Variants in STOX1 observed in about 807,000 individuals in gnomAD.
STOX1 encodes storkhead box 1.
A neutral mutation model predicts 74.8 loss-of-function variants in STOX1; 57 were observed. That is an observed-to-expected ratio of 0.76 (90% CI 0.62 to 0.95). The LOEUF (loss-of-function observed/expected upper bound fraction) is 0.95. Among genes scored for constraint, STOX1 ranks in the 40% least tolerant of loss-of-function variants. The probability of loss-of-function intolerance (pLI) is 0.00; values close to 1 mark genes in which losing one functional copy is unlikely to be tolerated. For missense variants in STOX1, 1,010 were observed against 1,117.0 expected (o/e 0.90, Z 1.37); for synonymous variants, 375 against 401.3 (o/e 0.93, Z 0.78).
rs539125136 is a variant in STOX1 at position 68,885,683 on chromosome 10, C to G, written c.1887C>G (p.Asp629Glu). 7 of 1,613,982 alleles carry G rather than the reference C, an allele frequency of 4.3e-6. No homozygotes were observed. Among genetic ancestry groups the G allele is most frequent in the Admixed American group, 1.7e-5 (1 of 59,996 alleles). Residue 629 changes from aspartate to glutamate, a missense_variant, in exon 3 of 4, where the codon GAC becomes GAG. Coordinates refer to ENST00000298596, the MANE Select transcript of STOX1 (RefSeq NM_152709.5). ...EVLRKSHSHF[D>E]KLGETKQTPH... ...TGAGGAAAAGTCATTCCCACTTTGA[C>G]AAATTAGGGGAGACCAAACAGACTC... is the stretch of plus-strand genomic sequence containing the variant.
rs140887364 is a variant in STOX1, at chr10:68,832,115, A to C, written c.310+4182A>C. On this transcript the variant is annotated intron_variant, in intron 1 of 3. Transcript: ENST00000298596. ...TTAGCCAGTGGCTTTCACAAATGAAAGAGTGAGTTCTGGAAGCTGGAGGGA... is the reference window on the plus strand; with the variant it reads ...TTAGCCAGTGGCTTTCACAAATGAACGAGTGAGTTCTGGAAGCTGGAGGGA... Among the ~76,000 whole-genome samples the C allele has an allele frequency of 1.4e-3, 210 of 152,242 alleles. 2 individuals are homozygous for C. Among genetic ancestry groups the C allele is most frequent in the African/African-American group, 4.5e-3 (189 of 41,558 alleles).
chr10:68,857,437 G>C (rs561842414), intron 1 of STOX1, among the ~76,000 whole-genome samples: 1 of 152,070 alleles, frequency 6.6e-6, no homozygotes, highest in Non-Finnish European at 1.5e-5. Context: ...CTGGGAGCCA[G>C]GTCAGCTCTG....
At chr10:68,864,165 C>T (rs889702844) in intron 1 of STOX1, among the ~76,000 whole-genome samples, 1 of 152,066 alleles carries the variant, frequency 6.6e-6, no homozygotes, top group African/African-American at 2.4e-5. Flanking sequence ...ACCTCGTGAT[C>T]CGCCCGCCTC....
intron 3 of STOX1, among the ~76,000 whole-genome samples, chr10:68,887,620 G>A (rs1840995103): frequency 7.8e-6 from 1 of 128,532 alleles, no homozygotes; most frequent in Admixed American, 8.6e-5. Context: ...TTTTGAGGCA[G>A]AGTTTTGCTG....
At chr10:68,870,896 C>T (rs968040073) in intron 1 of STOX1, among the ~76,000 whole-genome samples, 1 of 152,218 alleles carries the variant, frequency 6.6e-6, no homozygotes, top group Non-Finnish European at 1.5e-5. Flanking sequence ...CTGATAAAGC[C>T]TAGGCTGGCC....
intron 1 of STOX1, among the ~76,000 whole-genome samples, chr10:68,847,377 G>T (rs1014985104): frequency 5.9e-5 from 9 of 151,938 alleles, no homozygotes; most frequent in Admixed American, 2.6e-4. Flanking sequence ...GTTGGGTCAC[G>T]GGTGGATTTG....
At chr10:68,863,282 T>C (rs577263542) in intron 1 of STOX1, among the ~76,000 whole-genome samples, 1 of 152,224 alleles carries the variant, frequency 6.6e-6, no homozygotes, top group East Asian at 1.9e-4. Flanking sequence ...GCTGAAGGAA[T>C]ACTCACGGCA....
At position 68,892,867 on chromosome 10, in the gene STOX1, C is replaced by T; in HGVS notation, c.*131C>T. 1 of 1,055,220 alleles carries T rather than the reference C, an allele frequency of 9.5e-7. No individual in the cohort carries two copies. The highest frequency in any genetic ancestry group is 1.6e-5 in the South Asian group (1 of 64,362). 65.4% of individuals were successfully genotyped at this position (1,055,220 alleles called of 1,614,324 possible). A position where few individuals can be genotyped will look rare whatever the true frequency, so the allele number is the denominator to read the frequency against. Reference sequence around the variant, plus strand: ...CATATCTATACTATTAACCACATTACACATTTTGTTCTAATTACTGGCTTT... The same window carrying T: ...CATATCTATACTATTAACCACATTATACATTTTGTTCTAATTACTGGCTTT... On this transcript the variant is annotated 3_prime_UTR_variant, in exon 4 of 4. Coordinates refer to ENST00000298596, the MANE Select transcript of STOX1 (RefSeq NM_152709.5).
chr10:68,890,490 A>G (rs947404138), intron 3 of STOX1, among the ~76,000 whole-genome samples: 1 of 152,148 alleles, frequency 6.6e-6, no homozygotes, highest in Non-Finnish European at 1.5e-5. Flanking sequence ...CATTTAGATC[A>G]TTCCCAATTT....
intron 1 of STOX1, among the ~76,000 whole-genome samples, chr10:68,858,497 A>G (rs1225775392): frequency 6.6e-6 from 1 of 152,112 alleles, no homozygotes; most frequent in Non-Finnish European, 1.5e-5. Flanking sequence ...CAGCCTAGAA[A>G]TGCTTCTTAG....
At chr10:68,850,283 C>T (rs1402912469) in intron 1 of STOX1, among the ~76,000 whole-genome samples, 1 of 152,246 alleles carries the variant, frequency 6.6e-6, no homozygotes, top group Non-Finnish European at 1.5e-5. Context: ...GCTGGGATTA[C>T]AGGCATCAGC....
chr10:68,885,461 T>A lies in STOX1; in HGVS notation c.1665T>A (p.Pro555=). Reference sequence around the variant, plus strand: ...CCAAAGAGCCATATGCTGAACAACCTAATGATAAAATGGAAGCAGAATCCA... The same window carrying A: ...CCAAAGAGCCATATGCTGAACAACCAAATGATAAAATGGAAGCAGAATCCA... ...GKAKEPYAEQ[P]NDKMEAESIY... is the part of the protein sequence containing the mutation. The change falls in exon 3 of 4, where the codon CCT becomes CCA. Residue 555 remains proline, a synonymous_variant. Coordinates refer to ENST00000298596, the MANE Select transcript of STOX1 (RefSeq NM_152709.5). The A allele has an allele frequency of 6.2e-7, 1 of 1,614,170 alleles. No individual in the cohort carries two copies. The highest frequency in any genetic ancestry group is 8.5e-7 in the Non-Finnish European group (1 of 1,180,026).
In STOX1 at chr10:68,827,631, G is replaced by A. The variant is rs1300287548; in HGVS notation, c.8G>A (p.Arg3Gln). MA[R>Q]PVQLAPGSLA... ...CCGGCCGCCGGCGAAAGCATGGCCC[G>A]GCCCGTGCAGCTGGCGCCGGGCTCG... Residue 3 changes from arginine to glutamine, a missense_variant, in exon 1 of 4, where the codon CGG becomes CAG. By Grantham distance (43) the Arg-to-Gln change is conservative. Transcript: ENST00000298596. The A allele has an allele frequency of 1.5e-5, 17 of 1,147,692 alleles. No individual in the cohort carries two copies. Among genetic ancestry groups the A allele is most frequent in the Non-Finnish European group, 1.8e-5 (17 of 933,980 alleles). 71.1% of individuals were successfully genotyped at this position (1,147,692 alleles called of 1,614,324 possible).
chr10:68,830,964 T>C (rs1177040951), intron 1 of STOX1, among the ~76,000 whole-genome samples: 2 of 152,038 alleles, frequency 1.3e-5, no homozygotes, highest in African/African-American at 4.8e-5. Flanking sequence ...TCCTGGAGGG[T>C]GGCGAAGGCA....
rs1309758907 is a variant in STOX1 at position 68,884,692 on chromosome 10, T to C, written c.896T>C (p.Leu299Ser). The C allele has an allele frequency of 6.2e-7, 1 of 1,614,072 alleles. No individual in the cohort carries two copies. The highest frequency in any genetic ancestry group is 1.3e-5 in the African/African-American group (1 of 74,936). The change falls in exon 3 of 4, where the codon TTA becomes TCA. Residue 299 changes from leucine to serine, a missense_variant. Transcript: ENST00000298596. ...CACATTTGTGAGAGCACCAAACCTT[T>C]ACCATACACAAGAGATAAAGAAAAA... ...EHHICESTKP[L>S]PYTRDKEKGK...
At chr10:68,888,566 C>T (rs1461901909) in intron 3 of STOX1, among the ~76,000 whole-genome samples, 1 of 150,722 alleles carries the variant, frequency 6.6e-6, no homozygotes, top group Non-Finnish European at 1.5e-5. Context: ...GAACATTTTC[C>T]CTATGTTATT....
intron 1 of STOX1, among the ~76,000 whole-genome samples, chr10:68,852,234 G>C (rs1472885148): frequency 7.2e-6 from 1 of 139,560 alleles, no homozygotes; most frequent in East Asian, 2.2e-4. Flanking sequence ...ATGAGTTTAA[G>C]TTTTTCTCTT....
At chr10:68,870,356 CA>C (rs1477083318) in intron 1 of STOX1, among the ~76,000 whole-genome samples, 1 of 152,152 alleles carries the variant, frequency 6.6e-6, no homozygotes, top group Non-Finnish European at 1.5e-5. Context: ...TGTTCTCCTG[CA>C]TGACTACTTT....
intron 1 of STOX1, among the ~76,000 whole-genome samples, chr10:68,869,079 C>T (rs1149685): frequency 2.0e-5 from 3 of 152,220 alleles, no homozygotes; most frequent in Admixed American, 2.0e-4. Flanking sequence ...GAGGAACAGT[C>T]TGGCTCTTCT....
Sources: gnomAD v4.1 joint callset for allele counts (sites outside exome capture counted in the v4.1 genomes callset) on GRCh38, gnomAD v4.1.1 for gene constraint, MANE v1.5 for transcripts, NCBI Gene and HGNC (gene_info 2026-07-23, HGNC 2026-07-21) for gene names.